ACSL3: variants seen among roughly 807,000 people sequenced by gnomAD.
The protein encoded by ACSL3 is acyl-CoA synthetase long chain family member 3.
ACSL3 carries 34 observed loss-of-function variants against 84.7 expected under a neutral mutation model. That is an observed-to-expected ratio of 0.40 (90% CI 0.31 to 0.53). The LOEUF (loss-of-function observed/expected upper bound fraction) is 0.53. Among genes scored for constraint, ACSL3 ranks in the 20% least tolerant of loss-of-function variants. The pLI is 0.48. For missense variants in ACSL3, 680 were observed against 873.1 expected, an observed-to-expected ratio of 0.78 and a Z score of 2.79; for synonymous variants, 315 against 299.4, an observed-to-expected ratio of 1.05 and a Z score of -0.54.
chr2:222,900,894 A>G (rs1448816994), intron 3 of ACSL3, 114 bp downstream of exon 3: 1 of 152,176 alleles, frequency 6.6e-6, no homozygotes, highest in Non-Finnish European at 1.5e-5. Flanking sequence ...TGTACATTAG[A>G]ATGCAAACTA....
rs111576017 is a variant in ACSL3, at chr2:222,914,226, T to A, written c.379-2093T>A. Among the ~76,000 whole-genome samples the A allele has an allele frequency of 5.5e-3, 725 of 132,388 alleles. 3 individuals are homozygous for A. The highest frequency in any genetic ancestry group is 0.012 in the South Asian group (46 of 3,778). The allele number at this position is 132,388 out of a possible 152,430, so 86.9% of individuals were successfully genotyped here. On this transcript the variant is annotated intron_variant, in intron 4 of 16. Coordinates refer to ENST00000357430, the MANE Select transcript of ACSL3 (RefSeq NM_004457.5). ...TAGAGAGAAGGAAGGGTGGAAGGTG[T>A]GTGTGTACGTGTGTGTGTGTGTGTG...
chr2:222,932,044 A>AAACC lies in ACSL3; in HGVS notation c.1733-1112_1733-1109dup, dbSNP rs1280697563. Among the ~76,000 whole-genome samples the AAACC allele has an allele frequency of 2.1e-4, 32 of 152,294 alleles. 1 individual carries two copies. The highest frequency in any genetic ancestry group is 8.3e-4 in the South Asian group (4 of 4,818). On this transcript the variant is annotated intron_variant, in intron 14 of 16. Transcript: ENST00000357430. Reference sequence around the variant, plus strand: ...AGTGAGACCCTGTCTCAAAATCTCAAAACCAACCAACCATCCAACCCTCAG... The same window carrying AAACC: ...AGTGAGACCCTGTCTCAAAATCTCAAAACCAACCAACCAACCATCCAACCCTCAG...
rs57546680 is a variant in ACSL3 at position 222,914,234 on chromosome 2, C to CGTGTGTGTGTGT, written c.379-2052_379-2041dup. 8.1e-4 allele frequency among the ~76,000 whole-genome samples: 113 copies of CGTGTGTGTGTGT among 140,270 alleles called. 1 individual carries two copies. The highest frequency in any genetic ancestry group is 2.8e-3 in the African/African-American group (103 of 37,058). The allele number at this position is 140,270 out of a possible 152,430, so 92.0% of individuals were successfully genotyped here. A position where few individuals can be genotyped will look rare whatever the true frequency, so the allele number is the denominator to read the frequency against. ...AGGAAGGGTGGAAGGTGTGTGTGTACGTGTGTGTGTGTGTGTGTGTGTGTG... is the reference window on the plus strand; with the variant it reads ...AGGAAGGGTGGAAGGTGTGTGTGTACGTGTGTGTGTGTGTGTGTGTGTGTGTGTGTGTGTGTG... On this transcript the variant is annotated intron_variant, in intron 4 of 16. Transcript: ENST00000357430.
chr2:222,927,170 G>A lies in ACSL3; in HGVS notation c.1446G>A (p.Gly482=), dbSNP rs1392233559. ...GQGYGLTESA[G]AGTISEVWDY... is the part of the protein sequence containing the mutation. Reference sequence around the variant, plus strand: ...GATACGGGCTCACTGAATCTGCTGGGGCTGGAACAATTTCCGAAGGTAGTG... The same window carrying A: ...GATACGGGCTCACTGAATCTGCTGGAGCTGGAACAATTTCCGAAGGTAGTG... The change falls in exon 12 of 17, where the codon GGG becomes GGA. Residue 482 remains glycine, a synonymous_variant. Coordinates refer to ENST00000357430, the MANE Select transcript of ACSL3 (RefSeq NM_004457.5). 3 of 1,613,568 alleles carry A rather than the reference G, an allele frequency of 1.9e-6. No individual in the cohort carries two copies. Among genetic ancestry groups the A allele is most frequent in the Non-Finnish European group, 2.5e-6 (3 of 1,179,524 alleles).
rs139700008 is a variant in ACSL3 at position 222,884,406 on chromosome 2, A to G, written c.-206-3424A>G. 6.7e-3 allele frequency among the ~76,000 whole-genome samples: 1,019 copies of G among 152,354 alleles called. 9 individuals are homozygous for G. The highest frequency in any genetic ancestry group is 0.023 in the African/African-American group (945 of 41,590). On this transcript the variant is annotated intron_variant, in intron 1 of 16. Coordinates refer to ENST00000357430, the MANE Select transcript of ACSL3 (RefSeq NM_004457.5). ...GCTTAGAACAACAGAAATTTATTCT[A>G]TTAATGTTAATAGAGACCAGAAGTT...
At chr2:222,900,297 G>C (rs1696104410) in intron 2 of ACSL3, among the ~76,000 whole-genome samples, 1 of 152,020 alleles carries the variant, frequency 6.6e-6, no homozygotes, top group Admixed American at 6.5e-5. Flanking sequence ...TTTTCTTATT[G>C]GTTTCCTCAG....
chr2:222,927,339 A>C, intron 12 of ACSL3, 150 bp downstream of exon 12: 1 of 758,130 alleles, frequency 1.3e-6, no homozygotes. Context: ...CATTGATATC[A>C]ATTTTTAGAA....
At chr2:222,881,579 C>T (rs974890480) in intron 1 of ACSL3, among the ~76,000 whole-genome samples, 6 of 152,158 alleles carry the variant, frequency 3.9e-5, no homozygotes, top group African/African-American at 1.2e-4. Flanking sequence ...TGCAATGGTG[C>T]GATCTTGGTT....
chr2:222,866,303 G>A (rs536924093), intron 1 of ACSL3, among the ~76,000 whole-genome samples: 129 of 152,140 alleles, frequency 8.5e-4, no homozygotes, highest in African/African-American at 3.1e-3. Context: ...CCACCACCAT[G>A]CCCGGCTAAT....
At chr2:222,881,270 A>T (rs1002827187) in intron 1 of ACSL3, among the ~76,000 whole-genome samples, 6 of 152,228 alleles carry the variant, frequency 3.9e-5, no homozygotes, top group African/African-American at 1.4e-4. Flanking sequence ...ATCACATCTC[A>T]GTTTGGACTA....
At chr2:222,921,860 A>C (rs1035108977) in intron 8 of ACSL3, among the ~76,000 whole-genome samples, 4 of 152,064 alleles carry the variant, frequency 2.6e-5, no homozygotes, top group African/African-American at 9.7e-5. Context: ...TGGGGAAGAG[A>C]CTGATGGAGG....
chr2:222,898,154 G>T (rs931604637), intron 2 of ACSL3, among the ~76,000 whole-genome samples: 1 of 152,074 alleles, frequency 6.6e-6, no homozygotes, highest in African/African-American at 2.4e-5. Context: ...CATACTCTGT[G>T]CCCATTTTCC....
chr2:222,919,320 G>A, intron 7 of ACSL3, 118 bp downstream of exon 7: 1 of 1,272,082 alleles, frequency 7.9e-7, no homozygotes, highest in Non-Finnish European at 1.1e-6. Context: ...TCTAACATCA[G>A]TTAGGAAAAC....
intron 3 of ACSL3, among the ~76,000 whole-genome samples, chr2:222,906,994 A>C (rs1167078281): frequency 6.6e-6 from 1 of 152,212 alleles, no homozygotes; most frequent in Non-Finnish European, 1.5e-5. Flanking sequence ...AGAAATTGCT[A>C]AGGGGCTCTG....
chr2:222,890,633 G>C (rs795875), intron 2 of ACSL3, among the ~76,000 whole-genome samples: 76,851 of 151,654 alleles, frequency 0.51, 20,033 homozygotes, highest in East Asian at 0.76. Context: ...GAGGTGGGTA[G>C]ATTTGTTTGT....
intron 8 of ACSL3, among the ~76,000 whole-genome samples, chr2:222,921,746 G>A (rs1230988621): frequency 6.6e-6 from 1 of 152,072 alleles, no homozygotes; most frequent in Non-Finnish European, 1.5e-5. Flanking sequence ...AGGTGAACAG[G>A]TAACTTAATT....
intron 3 of ACSL3, among the ~76,000 whole-genome samples, chr2:222,907,096 G>A (rs1255314496): frequency 1.3e-5 from 2 of 152,128 alleles, no homozygotes; most frequent in African/African-American, 4.8e-5. Context: ...TTTTCTTATA[G>A]TTATATCTGT....
intron 2 of ACSL3, among the ~76,000 whole-genome samples, chr2:222,891,485 T>A (rs1446459984): frequency 6.6e-6 from 1 of 152,194 alleles, no homozygotes; most frequent in Non-Finnish European, 1.5e-5. Flanking sequence ...AAGATATATA[T>A]TCCTTTGCCT....
chr2:222,892,966 C>T (rs967346382), intron 2 of ACSL3, among the ~76,000 whole-genome samples: 27 of 152,122 alleles, frequency 1.8e-4, no homozygotes, highest in Non-Finnish European at 7.3e-5. Context: ...CCTTGATATC[C>T]AGCATTGTGC....
Sources: gnomAD v4.1 joint callset for allele counts (sites outside exome capture counted in the v4.1 genomes callset) on GRCh38, gnomAD v4.1.1 for gene constraint, MANE v1.5 for transcripts, NCBI Gene and HGNC (gene_info 2026-07-23, HGNC 2026-07-21) for gene names.